SLC14A2: variants seen among roughly 807,000 people sequenced by gnomAD.
SLC14A2 encodes urea transporter 2.
SLC14A2 carries 91 observed loss-of-function variants against 104.6 expected under a neutral mutation model. The observed-to-expected ratio is 0.87, with a 90% CI of 0.73 to 1.04. The LOEUF is 1.04. Ranked by LOEUF, SLC14A2 falls within the 50% of genes least tolerant of loss-of-function variation. The pLI, the probability that SLC14A2 is intolerant of heterozygous loss-of-function variation, is 0.00. For missense variants in SLC14A2, 1,189 were observed against 1,156.0 expected (o/e 1.03, Z -0.41); for synonymous variants, 476 against 466.4 (o/e 1.02, Z -0.27).
At chr18:45,226,761 C>T (rs1012196673) in intron 1 of SLC14A2, among the ~76,000 whole-genome samples, 1 of 151,858 alleles carries the variant, frequency 6.6e-6, no homozygotes, top group African/African-American at 2.4e-5. Context: ...CACATGTATA[C>T]ATATGTAGCC....
intron 1 of SLC14A2, among the ~76,000 whole-genome samples, chr18:45,314,089 A>G (rs961167024): frequency 6.6e-6 from 1 of 152,248 alleles, no homozygotes; most frequent in African/African-American, 2.4e-5. Context: ...TATGTGCCGG[A>G]GCACCAGAAA....
At chr18:45,217,521 T>C (rs1227336576) in intron 1 of SLC14A2, among the ~76,000 whole-genome samples, 3 of 151,996 alleles carry the variant, frequency 2.0e-5, no homozygotes, top group Non-Finnish European at 4.4e-5. Context: ...AGAAATAGCA[T>C]AGGTGAGAAG....
chr18:45,382,800 G>C (rs2085852980), intron 1 of SLC14A2, among the ~76,000 whole-genome samples: 1 of 152,212 alleles, frequency 6.6e-6, no homozygotes, highest in Non-Finnish European at 1.5e-5. Flanking sequence ...GAAAACAGCT[G>C]TAGATATCCC....
At chr18:45,487,066 T>A (rs2087621053) in intron 2 of SLC14A2, among the ~76,000 whole-genome samples, 1 of 152,226 alleles carries the variant, frequency 6.6e-6, no homozygotes, top group Non-Finnish European at 1.5e-5. Context: ...AAATTCATTG[T>A]TTTACATACA....
chr18:45,359,540 T>C (rs552137386), intron 1 of SLC14A2, among the ~76,000 whole-genome samples: 7 of 152,288 alleles, frequency 4.6e-5, no homozygotes, highest in African/African-American at 1.7e-4. Context: ...CAGGTGCTTA[T>C]CTCCAGGTGT....
chr18:45,585,024 G>A lies in SLC14A2; in HGVS notation c.-34-39607G>A, dbSNP rs2044547030. Among the ~76,000 whole-genome samples the A allele has an allele frequency of 2.6e-5, 4 of 152,094 alleles. No individual in the cohort carries two copies. The South Asian group carries it at 8.3e-4, about 32-fold the overall frequency. ...CTTTTCCTGATCACTAGAAGGAAAGGGCCAGTCCAGATGACCAGTGGAAAT... is the reference window on the plus strand; with the variant it reads ...CTTTTCCTGATCACTAGAAGGAAAGAGCCAGTCCAGATGACCAGTGGAAAT... On this transcript the variant is annotated intron_variant, in intron 2 of 20. Transcript: ENST00000586448.
intron 1 of SLC14A2, among the ~76,000 whole-genome samples, chr18:45,311,930 A>G (rs922078937): frequency 3.3e-5 from 5 of 152,200 alleles, no homozygotes; most frequent in Non-Finnish European, 7.3e-5. Flanking sequence ...ACAGAAATGA[A>G]ATAAGCCATT....
intron 1 of SLC14A2, among the ~76,000 whole-genome samples, chr18:45,321,678 G>A (rs994831766): frequency 4.6e-5 from 7 of 152,172 alleles, no homozygotes; most frequent in African/African-American, 9.7e-5. Flanking sequence ...AGCAGAGTCC[G>A]GGGGATGCTG....
chr18:45,299,725 G>T (rs2144187613), intron 1 of SLC14A2, among the ~76,000 whole-genome samples: 1 of 152,300 alleles, frequency 6.6e-6, no homozygotes, highest in Admixed American at 6.5e-5. Flanking sequence ...GCCTCCCAAA[G>T]TGCTGGGATT....
At chr18:45,530,539 T>A (rs1313493388) in intron 2 of SLC14A2, among the ~76,000 whole-genome samples, 1 of 152,150 alleles carries the variant, frequency 6.6e-6, no homozygotes, top group Non-Finnish European at 1.5e-5. Context: ...CTATTCAGGT[T>A]CTCCATATCT....
upstream of SLC14A2, among the ~76,000 whole-genome samples, chr18:45,210,614 G>A (rs1224749666): frequency 6.6e-6 from 1 of 152,226 alleles, no homozygotes; most frequent in Non-Finnish European, 1.5e-5. Context: ...TATGCCTACT[G>A]TGTGCCAGGC....
chr18:45,637,085 C>T lies in SLC14A2; in HGVS notation c.746C>T (p.Ala249Val). The T allele has an allele frequency of 6.2e-7, 1 of 1,614,144 alleles. No homozygotes were observed. Among genetic ancestry groups the T allele is most frequent in the South Asian group, 1.1e-5 (1 of 91,082 alleles). ...PFNIAVTLYLAATGHYNLFFP... is the reference protein window; with the variant it reads ...PFNIAVTLYLVATGHYNLFFP... ...AACATTGCAGTCACCTTGTACCTTG[C>T]AGCCACAGGCCACTACAACCTCTTC... Residue 249 changes from alanine (A) to valine (V), a missense_variant, in exon 6 of 20, where the codon GCA becomes GTA. By Grantham distance (64) the Ala-to-Val change is moderately conservative. Coordinates refer to ENST00000255226, the MANE Select transcript of SLC14A2 (RefSeq NM_007163.4).
intron 1 of SLC14A2, among the ~76,000 whole-genome samples, chr18:45,359,454 A>G (rs1326719823): frequency 6.6e-6 from 1 of 152,142 alleles, no homozygotes; most frequent in Non-Finnish European, 1.5e-5. Flanking sequence ...GGGAAGAGAT[A>G]AGGAGTAGGC....
chr18:45,543,048 A>T (rs901153305), intron 2 of SLC14A2, among the ~76,000 whole-genome samples: 2 of 152,040 alleles, frequency 1.3e-5, no homozygotes. Flanking sequence ...TCCCGGGTTA[A>T]AGTGATCCTC....
At chr18:45,381,087 A>T (rs1244744510) in intron 1 of SLC14A2, among the ~76,000 whole-genome samples, 2 of 152,212 alleles carry the variant, frequency 1.3e-5, no homozygotes, top group African/African-American at 2.4e-5. Flanking sequence ...ATAGCTTCAT[A>T]GCTTGAGTCC....
At chr18:45,394,367 A>G (rs1044530457) in intron 1 of SLC14A2, among the ~76,000 whole-genome samples, 2 of 152,174 alleles carry the variant, frequency 1.3e-5, no homozygotes, top group African/African-American at 2.4e-5. Context: ...TCGTATGTAA[A>G]TTGAAAATAG....
At chr18:45,673,594 G>T in intron 17 of SLC14A2, 89 bp from the exon 18 acceptor site, 1 of 1,429,818 alleles carries the variant, frequency 7.0e-7, no homozygotes, top group Non-Finnish European at 9.6e-7. Flanking sequence ...AACTGGCTCC[G>T]GGCTTTGAGG....
intron 1 of SLC14A2, among the ~76,000 whole-genome samples, chr18:45,346,562 C>T (rs553478524): frequency 6.6e-6 from 1 of 152,164 alleles, no homozygotes; most frequent in Non-Finnish European, 1.5e-5. Flanking sequence ...AGTCTGAATT[C>T]TTTCATCTTT....
chr18:45,655,441 C>A (rs1430855068), intron 10 of SLC14A2, among the ~76,000 whole-genome samples: 2 of 152,196 alleles, frequency 1.3e-5, no homozygotes, highest in African/African-American at 2.4e-5. Context: ...CCTCGTTGGA[C>A]CCCTTCTCTC....
Sources: gnomAD v4.1 joint callset for allele counts (sites outside exome capture counted in the v4.1 genomes callset) on GRCh38, gnomAD v4.1.1 for gene constraint, MANE v1.5 for transcripts, NCBI Gene and HGNC (gene_info 2026-07-23, HGNC 2026-07-21) for gene names.